Variants in SOX6 observed in about 807,000 individuals in gnomAD.
SOX6 encodes the protein transcription factor SOX-6.
In SOX6, 11 loss-of-function variants were observed where a neutral mutation model predicts 97.8. The observed-to-expected ratio is 0.11, with a 90% CI of 0.07 to 0.19. The LOEUF (loss-of-function observed/expected upper bound fraction) is 0.19. Among genes scored for constraint, SOX6 ranks in the 10% least tolerant of loss-of-function variants. SOX6 has a pLI of 1.00. For missense variants in SOX6, 810 were observed against 1,039.5 expected (o/e 0.78, Z 3.04); for synonymous variants, 360 against 371.4 (o/e 0.97, Z 0.35).
intron 3 of SOX6, among the ~76,000 whole-genome samples, chr11:16,661,553 T>C (rs1410443985): frequency 1.3e-5 from 2 of 152,144 alleles, no homozygotes; most frequent in African/African-American, 4.8e-5. Context: ...GTCTTTTTTT[T>C]CTTTTCTTTT....
chr11:16,287,244 C>G (rs912333251), intron 3 of SOX6, among the ~76,000 whole-genome samples: 1 of 143,008 alleles, frequency 7.0e-6, no homozygotes, highest in Non-Finnish European at 1.5e-5. Flanking sequence ...TCCTTTTAAT[C>G]TCTCTTCTCT....
At chr11:16,673,254 G>A (rs1402905909) in intron 3 of SOX6, among the ~76,000 whole-genome samples, 1 of 151,832 alleles carries the variant, frequency 6.6e-6, no homozygotes, top group Non-Finnish European at 1.5e-5. Context: ...GAATAATAAA[G>A]GTCAAAGCAG....
In SOX6 at chr11:16,012,290, C is replaced by T. The variant is rs1344563838; in HGVS notation, c.1732+2652G>A. On this transcript the variant is annotated intron_variant, in intron 13 of 15. Coordinates refer to ENST00000683767, the MANE Select transcript of SOX6 (RefSeq NM_001367873.1). ...ACTCCAGCAGACTTTGCAATCAGCT[C>T]AGCCTTGAACAGATGCCAGGATATA... Among the ~76,000 whole-genome samples, 2 of 152,018 alleles carry T rather than the reference C, an allele frequency of 1.3e-5. 1 individual carries two copies. Among genetic ancestry groups the T allele is most frequent in the Non-Finnish European group, 2.9e-5 (2 of 67,962 alleles).
chr11:16,362,785 A>C (rs1857242204), intron 1 of SOX6, among the ~76,000 whole-genome samples: 1 of 152,168 alleles, frequency 6.6e-6, no homozygotes, highest in Non-Finnish European at 1.5e-5. Flanking sequence ...CAAGGTCAAT[A>C]AGCACGTCTA....
chr11:16,459,700 T>C (rs1859882091), intron 1 of SOX6, among the ~76,000 whole-genome samples: 2 of 152,026 alleles, frequency 1.3e-5, no homozygotes, highest in African/African-American at 4.8e-5. Context: ...CTGGGTAGAA[T>C]TAAAAGCAGA....
intron 3 of SOX6, among the ~76,000 whole-genome samples, chr11:16,677,684 A>C (rs1847895347): frequency 6.6e-6 from 1 of 152,062 alleles, no homozygotes; most frequent in Non-Finnish European, 1.5e-5. Context: ...TCTTCCTTAT[A>C]ATGTTGTTGT....
intron 1 of SOX6, among the ~76,000 whole-genome samples, chr11:16,397,165 G>T (rs1393926): frequency 6.6e-6 from 1 of 151,072 alleles, no homozygotes; most frequent in Non-Finnish European, 1.5e-5. Context: ...GACTTAGTTC[G>T]TTTTAGTAAT....
intron 4 of SOX6, among the ~76,000 whole-genome samples, chr11:16,595,603 CAAAAAAAA>C (rs10712410): frequency 3.1e-4 from 35 of 113,842 alleles, no homozygotes; most frequent in East Asian, 1.8e-3. Context: ...CCACCTCTAC[CAAAAAAAA>C]AAAAAAAAAA....
intron 4 of SOX6, among the ~76,000 whole-genome samples, chr11:16,230,097 G>A (rs1001696726): frequency 6.6e-6 from 1 of 151,654 alleles, no homozygotes; most frequent in African/African-American, 2.4e-5. Flanking sequence ...AACCTAATAA[G>A]ATATTCCATG....
intron 3 of SOX6, among the ~76,000 whole-genome samples, chr11:16,680,159 AG>A (rs1338968222): frequency 6.6e-6 from 1 of 152,236 alleles, no homozygotes; most frequent in Non-Finnish European, 1.5e-5. Context: ...CATAATTTTC[AG>A]ATTCACCAAG....
intron 6 of SOX6, among the ~76,000 whole-genome samples, chr11:16,178,120 C>G (rs1851248663): frequency 6.6e-6 from 1 of 151,926 alleles, no homozygotes; most frequent in Non-Finnish European, 1.5e-5. Context: ...TAGCTGATTC[C>G]ATTGAGTAGC....
intron 2 of SOX6, among the ~76,000 whole-genome samples, chr11:16,339,299 T>C (rs1294193232): frequency 4.6e-5 from 7 of 152,096 alleles, no homozygotes; most frequent in Non-Finnish European, 4.4e-5. Context: ...CAAGGTCCTG[T>C]TTGATATAGC....
intron 3 of SOX6, among the ~76,000 whole-genome samples, chr11:16,637,510 C>T (rs866302450): frequency 1.3e-5 from 2 of 152,220 alleles, no homozygotes; most frequent in African/African-American, 4.8e-5. Flanking sequence ...TGAGCCACCA[C>T]ACCCAGCTTT....
chr11:16,251,302 C>G (rs1169296968), intron 3 of SOX6, among the ~76,000 whole-genome samples: 1 of 151,806 alleles, frequency 6.6e-6, no homozygotes, highest in Non-Finnish European at 1.5e-5. Flanking sequence ...TGTAGTCTCA[C>G]AGAGCAAAAT....
chr11:16,458,792 A>G (rs1313224605), intron 1 of SOX6, among the ~76,000 whole-genome samples: 1 of 152,066 alleles, frequency 6.6e-6, no homozygotes, highest in Non-Finnish European at 1.5e-5. Context: ...TTCCTGAGAA[A>G]GGTAAAACAA....
chr11:16,580,412 T>G (rs767468484), intron 4 of SOX6, among the ~76,000 whole-genome samples: 3 of 151,094 alleles, frequency 2.0e-5, no homozygotes, highest in African/African-American at 7.2e-5. Flanking sequence ...AGGTAATGTT[T>G]AGGCCCAAAT....
chr11:16,530,126 A>G (rs1230131325), intron 4 of SOX6, among the ~76,000 whole-genome samples: 1 of 151,976 alleles, frequency 6.6e-6, no homozygotes. Context: ...TTCCAGCTCT[A>G]TTACTGTGTG....
chr11:16,550,786 C>T (rs1051296304), intron 4 of SOX6, among the ~76,000 whole-genome samples: 7 of 151,988 alleles, frequency 4.6e-5, no homozygotes, highest in East Asian at 1.9e-4. Context: ...TAAAGGTAGA[C>T]TGTGATGTTA....
intron 3 of SOX6, among the ~76,000 whole-genome samples, chr11:16,648,617 G>A (rs1849048355): frequency 1.3e-5 from 2 of 152,138 alleles, no homozygotes; most frequent in Non-Finnish European, 2.9e-5. Flanking sequence ...CTGATCCCAG[G>A]AAGAAGATAA....
Sources: allele counts gnomAD v4.1 joint callset (sites outside exome capture counted in the v4.1 genomes callset), GRCh38; gene constraint gnomAD v4.1.1; transcripts MANE v1.5; gene names NCBI Gene and HGNC (gene_info 2026-07-23, HGNC 2026-07-21).